The following MOV10L1 variants were observed in gnomAD, a reference collection of about 807,000 sequenced individuals.
MOV10L1 encodes the protein Mov10 like RNA helicase 1.
A neutral mutation model predicts 143.8 loss-of-function variants in MOV10L1; 110 were observed. The observed-to-expected ratio is 0.76, with a 90% CI of 0.66 to 0.90. The LOEUF (loss-of-function observed/expected upper bound fraction) is 0.90. Ranked by LOEUF, MOV10L1 falls within the 40% of genes least tolerant of loss-of-function variation. The probability of loss-of-function intolerance (pLI) is 0.00; values close to 1 mark genes in which losing one functional copy is unlikely to be tolerated. For synonymous variants in MOV10L1, 593 were observed against 581.1 expected (o/e 1.02, Z -0.29); for missense variants, 1,406 against 1,526.8 (o/e 0.92, Z 1.32).
chr22:50,131,385 G>T (rs2062674811), intron 13 of MOV10L1, among the ~76,000 whole-genome samples: 1 of 152,150 alleles, frequency 6.6e-6, no homozygotes. Context: ...TATTTCCTCA[G>T]ACTACAGCTT....
At position 50,149,654 on chromosome 22, in the gene MOV10L1, G is replaced by A. The variant is rs1426422303; in HGVS notation, c.2667G>A (p.Gly889=). The change falls in exon 20 of 27, where the codon GGG becomes GGA. Residue 889 remains glycine (G), a synonymous_variant. Transcript: ENST00000262794. The stretch of plus-strand genomic sequence containing the variant: ...CTCACGTGTTTGTGGACGAGGCTGG[G>A]CAGGCAAGTGAGCCGGAATGCCTCA... ...HFTHVFVDEA[G]QASEPECLIP... 6.2e-7 allele frequency: 1 copy of A among 1,614,146 alleles called. No homozygotes were observed. Among genetic ancestry groups the A allele is most frequent in the East Asian group, 2.2e-5 (1 of 44,884 alleles).
chr22:50,113,561 A>C (rs1602187554), intron 5 of MOV10L1, 87 bp from the exon 6 acceptor site: 3 of 1,529,254 alleles, frequency 2.0e-6, no homozygotes, highest in Non-Finnish European at 2.6e-6. Context: ...GAGTGCCCCC[A>C]CCAGCAGTCT....
intron 18 of MOV10L1, among the ~76,000 whole-genome samples, chr22:50,145,356 AG>A (rs1202232672): frequency 2.0e-5 from 3 of 152,128 alleles, no homozygotes; most frequent in Non-Finnish European, 4.4e-5. Context: ...TGGGAGGCAG[AG>A]GTTGCAGTGA....
At position 50,150,815 on chromosome 22, in the gene MOV10L1, CT is replaced by C; in HGVS notation, c.2813del (p.Leu938TrpfsTer4). 1 of 1,614,204 alleles carries C rather than the reference CT, an allele frequency of 6.2e-7. No homozygotes were observed. The highest frequency in any genetic ancestry group is 1.3e-5 in the African/African-American group (1 of 75,046). On this transcript the variant is annotated frameshift_variant, in exon 21 of 27. Transcript: ENST00000262794. LOFTEE classifies it high-confidence loss of function. The part of the protein sequence containing the change: ...LAMAYGLNVS[F>X]LERLMSRPAY... ...CCATGGCCTATGGGCTGAACGTGTC[CT>C]TTTTGGAACGGCTGATGTCTCGACC... is the stretch of plus-strand genomic sequence containing the variant.
chr22:50,102,069 A>G (rs2061758858), intron 3 of MOV10L1, among the ~76,000 whole-genome samples: 1 of 152,150 alleles, frequency 6.6e-6, no homozygotes, highest in South Asian at 2.1e-4. Context: ...CCTGAGTAAT[A>G]AAGATGGGCA....
rs911003875 is a variant in MOV10L1, at chr22:50,128,394, A to G, written c.1819-22A>G. On this transcript the variant is annotated intron_variant, in intron 12 of 26. Coordinates refer to ENST00000262794, the MANE Select transcript of MOV10L1 (RefSeq NM_018995.3). ...ATCACATTATTTCAAGAAATCAGGTATATTGTTTGTTCCTTTTTTAGATTC... is the reference window on the plus strand; with the variant it reads ...ATCACATTATTTCAAGAAATCAGGTGTATTGTTTGTTCCTTTTTTAGATTC... The G allele has an allele frequency of 4.9e-6, 6 of 1,216,046 alleles. No individual in the cohort carries two copies. In the Admixed American group the frequency reaches 6.1e-5, roughly 12 times the overall value. The allele number at this position is 1,216,046 out of a possible 1,614,324, so 75.3% of individuals were successfully genotyped here. A position where few individuals can be genotyped will look rare whatever the true frequency, so the allele number is the denominator to read the frequency against.
intron 9 of MOV10L1, among the ~76,000 whole-genome samples, chr22:50,119,636 G>C (rs1368974908): frequency 2.0e-5 from 3 of 150,970 alleles, no homozygotes; most frequent in Non-Finnish European, 4.4e-5. Flanking sequence ...CCTTGTTCGT[G>C]TTAGTAATCA....
chr22:50,108,390 C>A, intron 4 of MOV10L1, 142 bp downstream of exon 4: 1 of 847,680 alleles, frequency 1.2e-6, no homozygotes, highest in Non-Finnish European at 2.0e-6. Context: ...AGTGTGTTTT[C>A]CTATTGACAA....
At chr22:50,119,654 C>T (rs2062282250) in intron 9 of MOV10L1, among the ~76,000 whole-genome samples, 2 of 150,476 alleles carry the variant, frequency 1.3e-5, no homozygotes, top group Admixed American at 1.3e-4. Flanking sequence ...TCAATGCTTT[C>T]CAAATACACC....
intron 19 of MOV10L1, among the ~76,000 whole-genome samples, chr22:50,148,886 G>C (rs905461066): frequency 6.6e-6 from 1 of 152,070 alleles, no homozygotes; most frequent in Non-Finnish European, 1.5e-5. Flanking sequence ...GGATGGTCTT[G>C]ATCTCCTGAC....
intron 18 of MOV10L1, among the ~76,000 whole-genome samples, chr22:50,144,787 T>G (rs1324527333): frequency 1.3e-5 from 2 of 152,090 alleles, no homozygotes; most frequent in South Asian, 2.1e-4. Flanking sequence ...TTCACCGTGT[T>G]AGCCAGGATG....
intron 9 of MOV10L1, among the ~76,000 whole-genome samples, chr22:50,117,970 A>T (rs2062228967): frequency 6.6e-6 from 1 of 152,194 alleles, no homozygotes. Flanking sequence ...GTAATGACTT[A>T]GTCCCGTGTG....
At chr22:50,097,434 T>G (rs2062617167) in intron 2 of MOV10L1, among the ~76,000 whole-genome samples, 3 of 152,206 alleles carry the variant, frequency 2.0e-5, no homozygotes. Flanking sequence ...TGAGTTAATT[T>G]TTGTGTTTGG....
At chr22:50,098,117 A>G (rs4838825) in intron 2 of MOV10L1, among the ~76,000 whole-genome samples, 34,114 of 150,806 alleles carry the variant, frequency 0.23, 4,194 homozygotes, top group Admixed American at 0.35. Context: ...AATTACAGGC[A>G]TGAGCTACCA....
chr22:50,091,507 A>G (rs2062441566), intron 1 of MOV10L1: 1 of 154,206 alleles, frequency 6.5e-6, no homozygotes, highest in South Asian at 2.0e-4. Flanking sequence ...CGTGCATGCT[A>G]ATGACTCCCA....
At chr22:50,151,007 G>A (rs889295869) in intron 21 of MOV10L1, 108 bp downstream of exon 21, 2 of 1,423,526 alleles carry the variant, frequency 1.4e-6, no homozygotes, top group Admixed American at 2.0e-5. Flanking sequence ...CCATCCGTGG[G>A]CAGAGTGCAG....
intron 15 of MOV10L1, among the ~76,000 whole-genome samples, chr22:50,141,868 G>C (rs1396915002): frequency 6.6e-6 from 1 of 152,058 alleles, no homozygotes; most frequent in Non-Finnish European, 1.5e-5. Context: ...CTAAAAGCAA[G>C]TTTAAAGAAA....
At chr22:50,113,912 CT>C (rs67071955) in intron 6 of MOV10L1, 124 bp downstream of exon 6, 47,366 of 261,882 alleles carry the variant, frequency 0.18, 209 homozygotes, top group Middle Eastern at 0.22. Flanking sequence ...AAGATCTTTT[CT>C]TTTTTTTTTT....
intron 5 of MOV10L1, among the ~76,000 whole-genome samples, chr22:50,112,397 C>G (rs927948254): frequency 6.6e-6 from 1 of 152,216 alleles, no homozygotes; most frequent in Admixed American, 6.5e-5. Flanking sequence ...TGACCTCATC[C>G]CCAGGCAGAA....
Sources: gnomAD v4.1 joint callset for allele counts (sites outside exome capture counted in the v4.1 genomes callset) on GRCh38, gnomAD v4.1.1 for gene constraint, MANE v1.5 for transcripts, NCBI Gene and HGNC (gene_info 2026-07-23, HGNC 2026-07-21) for gene names.